The following PCDHA5 variants were observed in gnomAD, a reference collection of about 807,000 sequenced individuals.
PCDHA5 encodes the protein protocadherin alpha 5, also known as protocadherin alpha-5.
Under a neutral mutation model 61.6 loss-of-function variants are expected in PCDHA5, and 43 were observed. The ratio of observed to expected loss-of-function variants is 0.70; its 90% CI spans 0.55 to 0.90. The LOEUF (loss-of-function observed/expected upper bound fraction) is 0.90, where lower values mean the gene tolerates loss of function less well. Among genes scored for constraint, PCDHA5 ranks in the 40% least tolerant of loss-of-function variants. The pLI is 0.00. For missense variants in PCDHA5, 1,298 were observed against 1,222.7 expected, an observed-to-expected ratio of 1.06 and a Z score of -0.92; for synonymous variants, 627 against 543.9, an observed-to-expected ratio of 1.15 and a Z score of -2.13.
intron 1 of PCDHA5, chr5:140,930,241 C>T (rs2086688232): frequency 1.3e-5 from 2 of 152,148 alleles, no homozygotes; most frequent in African/African-American, 2.4e-5. Context: ...ATCCAAAGTC[C>T]ATTCAACTTG....
At chr5:140,919,925 G>A (rs2079351459) in intron 1 of PCDHA5, among the ~76,000 whole-genome samples, 1 of 152,124 alleles carries the variant, frequency 6.6e-6, no homozygotes, top group African/African-American at 2.4e-5. Flanking sequence ...AAATTTTCAG[G>A]TGGGGGCTAA....
At chr5:140,991,214 A>G (rs922136535) in intron 3 of PCDHA5, among the ~76,000 whole-genome samples, 4 of 152,202 alleles carry the variant, frequency 2.6e-5, no homozygotes, top group Non-Finnish European at 4.4e-5. Context: ...AATTTTGTTA[A>G]ATTCATTAAT....
chr5:140,990,554 A>T (rs555586765), intron 3 of PCDHA5, among the ~76,000 whole-genome samples: 1 of 152,308 alleles, frequency 6.6e-6, no homozygotes, highest in East Asian at 1.9e-4. Context: ...GTATTACCCA[A>T]GAACACACAC....
At chr5:140,843,515 T>TGCCGGGCGGGC in intron 1 of PCDHA5, 1 of 1,595,536 alleles carries the variant, frequency 6.3e-7, no homozygotes, top group Non-Finnish European at 8.6e-7. Context: ...TGAGGGCGGG[T>TGCCGGGCGGGC]GCCGGGCGGG....
rs2150259063 is a variant in PCDHA5 at position 140,836,376 on chromosome 5, G to T, written c.2352+12249G>T. ...GCCCTCGCTGACAGCCACAGCCACCGTGCTGGTGTCGCTGGTGGAAAGCGG... is the reference window on the plus strand; with the variant it reads ...GCCCTCGCTGACAGCCACAGCCACCTTGCTGGTGTCGCTGGTGGAAAGCGG... On this transcript the variant is annotated intron_variant, in intron 1 of 3. Coordinates refer to ENST00000529859, the MANE Select transcript of PCDHA5 (RefSeq NM_018908.3). 3.7e-6 allele frequency: 6 copies of T among 1,613,644 alleles called. No homozygotes were observed. In the Admixed American group the frequency reaches 6.7e-5, roughly 18 times the overall value.
At chr5:140,839,335 G>T (rs923438912) in intron 1 of PCDHA5, among the ~76,000 whole-genome samples, 4 of 151,494 alleles carry the variant, frequency 2.6e-5, no homozygotes, top group Non-Finnish European at 4.4e-5. Flanking sequence ...ACCTGAAGTT[G>T]ATAGGGGATC....
intron 1 of PCDHA5, chr5:140,871,504 C>CT: frequency 6.3e-7 from 1 of 1,581,824 alleles, no homozygotes; most frequent in South Asian, 1.1e-5. Flanking sequence ...GGTGAGTTTT[C>CT]TACAGATTCC....
chr5:140,858,202 A>T (rs782325182), intron 1 of PCDHA5: 5 of 1,597,020 alleles, frequency 3.1e-6, no homozygotes. Context: ...TGTACACTGC[A>T]CTGAGGTGCT....
At chr5:140,870,030 T>C (rs782502508) in intron 1 of PCDHA5, 4 of 1,613,662 alleles carry the variant, frequency 2.5e-6, no homozygotes, top group Admixed American at 1.7e-5. Context: ...CTTTAGATTA[T>C]GAAGAAAACA....
intron 1 of PCDHA5, chr5:140,850,221 G>A: frequency 1.9e-6 from 3 of 1,593,734 alleles, no homozygotes; most frequent in South Asian, 2.2e-5. Context: ...CACTGACGGC[G>A]CAGTGAGCGA....
intron 1 of PCDHA5, chr5:140,883,224 C>T (rs782659730): frequency 1.2e-6 from 2 of 1,613,946 alleles, no homozygotes; most frequent in Non-Finnish European, 1.7e-6. Flanking sequence ...TATGAAATAT[C>T]CGTGGAGGCA....
At chr5:140,956,717 A>C (rs2153710827) in intron 1 of PCDHA5, among the ~76,000 whole-genome samples, 1 of 152,308 alleles carries the variant, frequency 6.6e-6, no homozygotes. Flanking sequence ...CTTCAGAAGA[A>C]TTGGTACCAG....
chr5:140,861,487 G>A, intron 1 of PCDHA5: 1 of 490,310 alleles, frequency 2.0e-6, no homozygotes, highest in Non-Finnish European at 4.2e-6. Context: ...ATTTTTGTGA[G>A]TTCTCTGATA....
rs1382100762 is a variant in PCDHA5 at position 140,828,610 on chromosome 5, T to G, written c.2352+4483T>G. The G allele has an allele frequency of 6.2e-7, 1 of 1,614,226 alleles. No homozygotes were observed. The highest frequency in any genetic ancestry group is 2.2e-5 in the East Asian group (1 of 44,888). On this transcript the variant is annotated intron_variant, in intron 1 of 3. Transcript: ENST00000529859. ...ATTCCATCTTAACCTATAAACTCAG[T>G]TCTAGCGAATACTTCGGGCTAGATG...
rs1554131556 is a variant in PCDHA5, at chr5:140,828,809, C to G, written c.2352+4682C>G. ...AGTGCTGGATGTGAATGATAATGCT[C>G]CCACTTTCGAACAGTCTGAATACGA... On this transcript the variant is annotated intron_variant, in intron 1 of 3. Coordinates refer to ENST00000529859, the MANE Select transcript of PCDHA5 (RefSeq NM_018908.3). The G allele has an allele frequency of 3.7e-6, 6 of 1,614,180 alleles. No individual in the cohort carries two copies. Among genetic ancestry groups the G allele is most frequent in the Non-Finnish European group, 5.1e-6 (6 of 1,180,034 alleles).
intron 1 of PCDHA5, among the ~76,000 whole-genome samples, chr5:140,837,545 T>C (rs1775114799): frequency 6.6e-6 from 1 of 151,994 alleles, no homozygotes; most frequent in Non-Finnish European, 1.5e-5. Context: ...AGATTATTAT[T>C]GCCAAATTAT....
rs782169362 is a variant in PCDHA5 at position 140,979,015 on chromosome 5, T to A, written c.2411+8T>A. The A allele has an allele frequency of 6.2e-7, 1 of 1,613,920 alleles. No homozygotes were observed. Among genetic ancestry groups the A allele is most frequent in the Non-Finnish European group, 8.5e-7 (1 of 1,179,908 alleles). On this transcript the variant is annotated splice_region_variant and intron_variant, in intron 2 of 3. Coordinates refer to ENST00000529859, the MANE Select transcript of PCDHA5 (RefSeq NM_018908.3). ...GAGAGCAGGCATGCACAGGTATGTA[T>A]TTCCCTCCTCATTCACTCAGAAGTA...
chr5:140,828,284 A>G (rs2150153622), intron 1 of PCDHA5: 2 of 1,614,076 alleles, frequency 1.2e-6, no homozygotes, highest in African/African-American at 2.7e-5. Flanking sequence ...GCGCCTGTTC[A>G]GGATGGCCTC....
intron 1 of PCDHA5, chr5:140,842,932 G>A: frequency 1.3e-6 from 2 of 1,594,566 alleles, no homozygotes; most frequent in East Asian, 2.2e-5. Flanking sequence ...AGGTGAGCGC[G>A]CGCGACGCGG....
Sources: gnomAD v4.1 joint callset for allele counts (sites outside exome capture counted in the v4.1 genomes callset) on GRCh38, gnomAD v4.1.1 for gene constraint, MANE v1.5 for transcripts, NCBI Gene and HGNC (gene_info 2026-07-23, HGNC 2026-07-21) for gene names.